Variants in ATP10D observed in about 807,000 individuals in gnomAD.
ATP10D encodes the protein ATPase phospholipid transporting 10D (putative).
ATP10D carries 89 observed loss-of-function variants against 144.8 expected under a neutral mutation model. The ratio of observed to expected loss-of-function variants is 0.61; its 90% CI spans 0.52 to 0.73. ATP10D has a LOEUF of 0.73. ATP10D is among the 30% of genes least tolerant of loss of function. The probability of loss-of-function intolerance (pLI) is 0.00; values close to 1 mark genes in which losing one functional copy is unlikely to be tolerated. For missense variants in ATP10D, 1,603 were observed against 1,714.8 expected, an observed-to-expected ratio of 0.93 and a Z score of 1.15; for synonymous variants, 571 against 615.1, an observed-to-expected ratio of 0.93 and a Z score of 1.06.
intron 1 of ATP10D, among the ~76,000 whole-genome samples, chr4:47,494,477 C>G (rs1197189889): frequency 8.4e-6 from 1 of 118,400 alleles, no homozygotes; most frequent in African/African-American, 3.1e-5. Flanking sequence ...AGGCTGTATT[C>G]TTTTAATATA....
intron 4 of ATP10D, among the ~76,000 whole-genome samples, chr4:47,524,542 G>A (rs1717134267): frequency 6.6e-6 from 1 of 152,204 alleles, no homozygotes; most frequent in Non-Finnish European, 1.5e-5. Context: ...TGCATTAAAA[G>A]TAATGGCAAA....
At chr4:47,572,303 A>G in intron 17 of ATP10D, 73 bp downstream of exon 17, 1 of 1,373,578 alleles carries the variant, frequency 7.3e-7, no homozygotes, top group Non-Finnish European at 1.0e-6. Flanking sequence ...TCCATGGTAA[A>G]TTCTCTGTGG....
In ATP10D at chr4:47,517,841, C is replaced by G. The variant is rs979573687; in HGVS notation, c.485+2171C>G. The stretch of plus-strand genomic sequence containing the variant: ...TAGTCCAGATTGATTTTCATATAAA[C>G]TTAAAGATGAAATGCAGTATTATAG... On this transcript the variant is annotated intron_variant, in intron 3 of 22. Coordinates refer to ENST00000273859, the MANE Select transcript of ATP10D (RefSeq NM_020453.4). 6.6e-5 allele frequency among the ~76,000 whole-genome samples: 10 copies of G among 152,126 alleles called. 1 individual carries two copies. The highest frequency in any genetic ancestry group is 5.9e-4 in the Admixed American group (9 of 15,272).
At chr4:47,544,436 A>G (rs1718311309) in intron 9 of ATP10D, among the ~76,000 whole-genome samples, 1 of 152,234 alleles carries the variant, frequency 6.6e-6, no homozygotes. Context: ...GGCATAGATG[A>G]AAATGGAGGA....
At chr4:47,541,222 C>CTGT (rs201983535) in intron 9 of ATP10D, among the ~76,000 whole-genome samples, 7 of 152,066 alleles carry the variant, frequency 4.6e-5, no homozygotes, top group Admixed American at 2.0e-4. Context: ...GCTGTTGTTA[C>CTGT]TGTTGTTGTT....
At chr4:47,511,623 A>G (rs749328746) in intron 1 of ATP10D, among the ~76,000 whole-genome samples, 11 of 152,204 alleles carry the variant, frequency 7.2e-5, no homozygotes, top group Non-Finnish European at 1.3e-4. Flanking sequence ...ATATGTTATC[A>G]GTTTGATTTT....
intron 1 of ATP10D, among the ~76,000 whole-genome samples, chr4:47,503,612 T>C (rs993117732): frequency 2.6e-5 from 4 of 152,164 alleles, no homozygotes; most frequent in Non-Finnish European, 5.9e-5. Context: ...TAATTTCTTA[T>C]AGGGCCGAGG....
intron 4 of ATP10D, among the ~76,000 whole-genome samples, chr4:47,525,147 T>A (rs1048951332): frequency 6.6e-6 from 1 of 152,224 alleles, no homozygotes; most frequent in Non-Finnish European, 1.5e-5. Context: ...AAAATTTGGC[T>A]GAGATCAAAT....
intron 10 of ATP10D, among the ~76,000 whole-genome samples, chr4:47,548,453 A>G (rs988578149): frequency 2.6e-5 from 4 of 152,140 alleles, no homozygotes; most frequent in African/African-American, 9.7e-5. Flanking sequence ...CTTCATCCAC[A>G]TGGCATTGGT....
At chr4:47,526,304 C>A (rs1253701140) in intron 5 of ATP10D, among the ~76,000 whole-genome samples, 1 of 152,048 alleles carries the variant, frequency 6.6e-6, no homozygotes, top group East Asian at 1.9e-4. Context: ...ATTAACAAAC[C>A]ATATTAAACA....
At chr4:47,505,877 A>G (rs1412779225) in intron 1 of ATP10D, among the ~76,000 whole-genome samples, 1 of 152,092 alleles carries the variant, frequency 6.6e-6, no homozygotes, top group Non-Finnish European at 1.5e-5. Context: ...GAACTTGTGT[A>G]TTTTTCAAAC....
rs555255011 is a variant in ATP10D at position 47,522,990 on chromosome 4, T to A, written c.486-22T>A. On this transcript the variant is annotated intron_variant, in intron 3 of 22. Transcript: ENST00000273859. ...TTTTCACTTGATATTCTTTTTTTTT[T>A]TTAACTTTTTTTTAATTACAGGAAA... is the stretch of plus-strand genomic sequence containing the variant. The A allele has an allele frequency of 6.4e-6, 10 of 1,554,314 alleles. No homozygotes were observed. In the African/African-American group the frequency reaches 1.2e-4, roughly 19 times the overall value.
chr4:47,510,391 A>G (rs1716260809), intron 1 of ATP10D, among the ~76,000 whole-genome samples: 1 of 152,206 alleles, frequency 6.6e-6, no homozygotes, highest in East Asian at 1.9e-4. Context: ...TTCCTTGAAA[A>G]TGAAAAGAAG....
intron 18 of ATP10D, 64 bp from the exon 19 acceptor site, chr4:47,576,709 G>T: frequency 6.8e-7 from 1 of 1,480,004 alleles, no homozygotes; most frequent in Non-Finnish European, 9.4e-7. Context: ...GCAGCATTTG[G>T]AATGTGTAAT....
At chr4:47,529,626 CT>C (rs901424566) in intron 5 of ATP10D, among the ~76,000 whole-genome samples, 3 of 151,642 alleles carry the variant, frequency 2.0e-5, no homozygotes, top group African/African-American at 2.4e-5. Flanking sequence ...GCTATTGTGA[CT>C]TTTTTTTGGT....
At position 47,576,826 on chromosome 4, in the gene ATP10D, A is replaced by T; in HGVS notation, c.3420A>T (p.Thr1140=). 1 of 1,614,188 alleles carries T rather than the reference A, an allele frequency of 6.2e-7. No individual in the cohort carries two copies. Among genetic ancestry groups the T allele is most frequent in the Non-Finnish European group, 8.5e-7 (1 of 1,180,018 alleles). Residue 1140 remains threonine (T), a synonymous_variant, in exon 19 of 23, where the codon ACA becomes ACT. Transcript: ENST00000273859. The part of the protein sequence containing the change: ...WYQFFCGFSG[T]SMTDYWVLIF... ...AGTTCTTTTGTGGATTTTCAGGAAC[A>T]TCCATGACTGATTACTGGGTTTTGA...
intron 9 of ATP10D, among the ~76,000 whole-genome samples, chr4:47,543,587 C>A (rs1450947826): frequency 6.6e-6 from 1 of 152,156 alleles, no homozygotes; most frequent in Non-Finnish European, 1.5e-5. Flanking sequence ...TGTGGAGAAC[C>A]ACTGAGCCAA....
At chr4:47,581,403 T>C (rs1218356597) in intron 20 of ATP10D, among the ~76,000 whole-genome samples, 4 of 152,188 alleles carry the variant, frequency 2.6e-5, no homozygotes, top group Non-Finnish European at 2.9e-5. Context: ...CATTTCTAAA[T>C]TGACAATTTT....
intron 14 of ATP10D, among the ~76,000 whole-genome samples, chr4:47,562,385 A>G (rs942148984): frequency 1.3e-5 from 2 of 152,218 alleles, no homozygotes; most frequent in Non-Finnish European, 2.9e-5. Flanking sequence ...AAGGACATGA[A>G]CAGACATTTT....
Sources: allele counts gnomAD v4.1 joint callset (sites outside exome capture counted in the v4.1 genomes callset), GRCh38; gene constraint gnomAD v4.1.1; transcripts MANE v1.5; gene names NCBI Gene and HGNC (gene_info 2026-07-23, HGNC 2026-07-21).